MAP3K19: variants seen among roughly 807,000 people sequenced by gnomAD.
The protein encoded by MAP3K19 is mitogen-activated protein kinase kinase kinase 19.
In MAP3K19, 91 loss-of-function variants were observed where a neutral mutation model predicts 114.4. That is an observed-to-expected ratio of 0.80 (90% CI 0.67 to 0.95). The LOEUF (loss-of-function observed/expected upper bound fraction) is 0.95, where lower values mean the gene tolerates loss of function less well. MAP3K19 is among the 40% of genes least tolerant of loss of function. The probability of loss-of-function intolerance (pLI) is 0.00; values close to 1 mark genes in which losing one functional copy is unlikely to be tolerated. For missense variants in MAP3K19, 1,471 were observed against 1,573.2 expected, an observed-to-expected ratio of 0.94 and a Z score of 1.10; for synonymous variants, 518 against 530.5, an observed-to-expected ratio of 0.98 and a Z score of 0.32.
intron 10 of MAP3K19, among the ~76,000 whole-genome samples, chr2:134,984,319 A>C (rs192691697): frequency 2.6e-5 from 4 of 152,198 alleles, no homozygotes; most frequent in African/African-American, 9.7e-5. Flanking sequence ...ACTCATACAC[A>C]CATATTCACA....
At position 134,980,979 on chromosome 2, in the gene MAP3K19, A is replaced by G. The variant is rs1684605721; in HGVS notation, c.3762T>C (p.Gly1254=). 4.3e-6 allele frequency: 7 copies of G among 1,614,102 alleles called. No individual in the cohort carries two copies. Among genetic ancestry groups the G allele is most frequent in the Non-Finnish European group, 5.1e-6 (6 of 1,180,016 alleles). ...YGRKSDIWSI[G]CTVFEMATGK... ...CTGTAGCCATCTCAAACACAGTACA[A>G]CCAATGCTCCAGATATCTGATTTCC... The change falls in exon 12 of 13, where the codon GGT becomes GGC. Residue 1254 remains glycine (G), a synonymous_variant. Transcript: ENST00000392915.
rs181220983 is a variant in MAP3K19, at chr2:134,987,047, G to T, written c.1825C>A (p.Pro609Thr). ...ATGCAAGGAAATGATTGCTTTTTAG[G>T]TTTCTGAGTCCGGTGAGTTGATTGC... is the stretch of plus-strand genomic sequence containing the variant. The part of the protein sequence containing the change: ...KKQSTHRTQK[P>T]KKQSFPCICK... Residue 609 changes from proline (P) to threonine (T), a missense_variant, in exon 10 of 13, where the codon CCT becomes ACT. Coordinates refer to ENST00000392915, the MANE Select transcript of MAP3K19 (RefSeq NM_025052.5). 6.2e-7 allele frequency: 1 copy of T among 1,612,890 alleles called. No individual in the cohort carries two copies.
intron 2 of MAP3K19, among the ~76,000 whole-genome samples, chr2:135,039,674 A>C (rs1688608697): frequency 1.3e-5 from 2 of 152,272 alleles, no homozygotes; most frequent in Admixed American, 1.3e-4. Context: ...TTTCCAGCCT[A>C]GTTTCCCTAT....
At chr2:134,991,756 G>A (rs1026131589) in intron 8 of MAP3K19, among the ~76,000 whole-genome samples, 176 bp from the exon 9 acceptor site, 5 of 152,140 alleles carry the variant, frequency 3.3e-5, no homozygotes, top group Non-Finnish European at 5.9e-5. Flanking sequence ...AAAACTTCAG[G>A]CTGCTGCCAC....
In MAP3K19 at chr2:134,981,331, C is replaced by T. The variant is rs1684641954; in HGVS notation, c.3410G>A (p.Ser1137Asn). 1 of 1,614,222 alleles carries T rather than the reference C, an allele frequency of 6.2e-7. No individual in the cohort carries two copies. Among genetic ancestry groups the T allele is most frequent in the Non-Finnish European group, 8.5e-7 (1 of 1,180,044 alleles). Residue 1137 changes from serine (S) to asparagine (N), a missense_variant, in exon 12 of 13, where the codon AGC becomes AAC. Transcript: ENST00000392915. ...LGTCLQENTV[S>N]IFMEFVPGGS... ...ACCAGGAACAAACTCCATGAAAATG[C>T]TCACAGTGTTCTCTTGCAAGCATGT...
chr2:134,981,203 T>C lies in MAP3K19; in HGVS notation c.3538A>G (p.Asn1180Asp). The C allele has an allele frequency of 6.2e-7, 1 of 1,614,186 alleles. No homozygotes were observed. The highest frequency in any genetic ancestry group is 8.5e-7 in the Non-Finnish European group (1 of 1,180,050). Residue 1180 changes from asparagine (N) to aspartate (D), a missense_variant, in exon 12 of 13, where the codon AAC (asparagine) becomes GAC (aspartate). Coordinates refer to ENST00000392915, the MANE Select transcript of MAP3K19 (RefSeq NM_025052.5). ...ILQGVAYLHE[N>D]CVVHRDIKGN... The stretch of plus-strand genomic sequence containing the variant: ...TTGATATCGCGATGTACCACACAGT[T>C]CTCATGGAGATAAGCAACACCTTGA...
rs1685061562 is a variant in MAP3K19 at position 134,985,937 on chromosome 2, C to G, written c.2935G>C (p.Ala979Pro). The G allele has an allele frequency of 6.2e-7, 1 of 1,613,986 alleles. No individual in the cohort carries two copies. The highest frequency in any genetic ancestry group is 1.7e-5 in the Admixed American group (1 of 60,008). ...GAGTTGTTATCTTTCTCATCAAGAG[C>G]TAATAATTCTGCAGCTAGACAACCT... is the stretch of plus-strand genomic sequence containing the variant. ...LLGCLAAELL[A>P]LDEKDNNSCQ... is the part of the protein sequence containing the mutation. The change falls in exon 10 of 13, where the codon GCT becomes CCT. Residue 979 changes from alanine (A) to proline (P), a missense_variant. Physicochemically the swap from Ala to Pro is conservative, Grantham distance 27 (BLOSUM62 -1). Transcript: ENST00000392915.
chr2:135,037,089 T>C (rs1688548074), intron 2 of MAP3K19, among the ~76,000 whole-genome samples: 1 of 152,036 alleles, frequency 6.6e-6, no homozygotes, highest in African/African-American at 2.4e-5. Context: ...CTCTGCCTCC[T>C]GGGTTCAAGC....
chr2:134,986,190 A>T lies in MAP3K19; in HGVS notation c.2682T>A (p.Asp894Glu). 1 of 1,613,816 alleles carries T rather than the reference A, an allele frequency of 6.2e-7. No individual in the cohort carries two copies. Among genetic ancestry groups the T allele is most frequent in the Non-Finnish European group, 8.5e-7 (1 of 1,179,956 alleles). The part of the protein sequence containing the change: ...SRILTNDLEF[D>E]SVSDHSKTLT... ...GTGTTTTAGAGTGATCTGAAACACT[A>T]TCAAACTCTAGATCATTAGTTAAAA... Residue 894 changes from aspartate to glutamate, a missense_variant, in exon 10 of 13, where the codon GAT (aspartate) becomes GAA (glutamate). Coordinates refer to ENST00000392915, the MANE Select transcript of MAP3K19 (RefSeq NM_025052.5).
chr2:135,023,354 G>A (rs16831255), intron 4 of MAP3K19: 5,385 of 474,550 alleles, frequency 0.011, 219 homozygotes, highest in African/African-American at 0.093. Context: ...GCACCTCCTC[G>A]GCTCAGCCCT....
rs1273152663 is a variant in MAP3K19, at chr2:134,999,055, C to CA, written c.315-59dup. On this transcript the variant is annotated intron_variant, in intron 7 of 12. Coordinates refer to ENST00000392915, the MANE Select transcript of MAP3K19 (RefSeq NM_025052.5). The surrounding 1 kb of genome is among the most constrained non-coding windows in gnomAD (Gnocchi z 4.1). ...TCAGTTGCCACATCTTCTGGATCTCCAGTCCTCAGTTCAGCCTGACATCAC... is the reference window on the plus strand; with the variant it reads ...TCAGTTGCCACATCTTCTGGATCTCCAAGTCCTCAGTTCAGCCTGACATCAC... 6.4e-6 allele frequency: 10 copies of CA among 1,559,088 alleles called. No homozygotes were observed. In the Admixed American group the frequency reaches 1.5e-4, roughly 23 times the overall value.
In MAP3K19 at chr2:134,987,450, G is replaced by T. The variant is rs1378430704; in HGVS notation, c.1422C>A (p.Ala474=). The T allele has an allele frequency of 1.4e-5, 23 of 1,614,110 alleles. No individual in the cohort carries two copies. The highest frequency in any genetic ancestry group is 1.9e-5 in the Non-Finnish European group (23 of 1,180,026). The change falls in exon 10 of 13, where the codon GCC becomes GCA. Residue 474 remains alanine, a synonymous_variant. Coordinates refer to ENST00000392915, the MANE Select transcript of MAP3K19 (RefSeq NM_025052.5). ...GCACCATCCTACTCATTTCTGGTTT[G>T]GCTCTTTCTGCTATTGATATTTTTA... ...TNIKISIAER[A]KPEMSRMVPL...
chr2:135,031,980 C>A (rs1017368480), intron 2 of MAP3K19, among the ~76,000 whole-genome samples: 5 of 152,130 alleles, frequency 3.3e-5, no homozygotes, highest in Non-Finnish European at 7.4e-5. Context: ...CTGCATGAAA[C>A]CCACTAGAAA....
Position 135,033,579 on chromosome 2 carries a change from C to T in MAP3K19, c.-283-3079G>A, listed in dbSNP as rs1688447416. ...GGGCGGCTGGCGGGCGGGGGGCTGACCCCCCCACCGCCCTCCCAGACGGGG... is the reference window on the plus strand; with the variant it reads ...GGGCGGCTGGCGGGCGGGGGGCTGATCCCCCCACCGCCCTCCCAGACGGGG... On this transcript the variant is annotated intron_variant, in intron 2 of 12. Coordinates refer to ENST00000392915, the MANE Select transcript of MAP3K19 (RefSeq NM_025052.5). Among the ~76,000 whole-genome samples, 2 of 82,726 alleles carry T rather than the reference C, an allele frequency of 2.4e-5. 1 individual carries two copies. Among genetic ancestry groups the T allele is most frequent in the Non-Finnish European group, 4.2e-5 (2 of 47,128 alleles). The allele number at this position is 82,726 out of a possible 152,430, so 54.3% of individuals were successfully genotyped here. A position where few individuals can be genotyped will look rare whatever the true frequency, so the allele number is the denominator to read the frequency against.
At chr2:134,972,552 G>A (rs1380339506) in intron 12 of MAP3K19, among the ~76,000 whole-genome samples, 1 of 151,668 alleles carries the variant, frequency 6.6e-6, no homozygotes, top group African/African-American at 2.4e-5. Context: ...TCGAACTCTT[G>A]GGTTCAAGCA....
chr2:135,005,173 G>A (rs1686726768), intron 6 of MAP3K19, among the ~76,000 whole-genome samples: 1 of 152,108 alleles, frequency 6.6e-6, no homozygotes, highest in Admixed American at 6.5e-5. Context: ...CAAGAGTTAA[G>A]CTCAGGGGTA....
chr2:135,036,132 G>A (rs1173719257), intron 2 of MAP3K19, among the ~76,000 whole-genome samples: 1 of 152,080 alleles, frequency 6.6e-6, no homozygotes, highest in East Asian at 1.9e-4. Flanking sequence ...CTGGGCGCCT[G>A]GCCAAGATTT....
chr2:134,965,350 A>G (rs929768479), intron 12 of MAP3K19, among the ~76,000 whole-genome samples: 3 of 152,266 alleles, frequency 2.0e-5, no homozygotes, highest in Non-Finnish European at 4.4e-5. Flanking sequence ...ACCTTTTAAA[A>G]TAGATATTCA....
intron 4 of MAP3K19, chr2:135,023,145 T>G (rs1688094301): frequency 4.8e-6 from 1 of 207,274 alleles, no homozygotes; most frequent in African/African-American, 2.3e-5. Context: ...CATATTTTCC[T>G]TCTTTACTCT....
Sources: allele counts gnomAD v4.1 joint callset (sites outside exome capture counted in the v4.1 genomes callset), GRCh38; gene constraint gnomAD v4.1.1; non-coding constraint Gnocchi (gnomAD v3.1); transcripts MANE v1.5; gene names NCBI Gene and HGNC (gene_info 2026-07-23, HGNC 2026-07-21).